FBH1: variants seen among roughly 807,000 people sequenced by gnomAD.
The protein encoded by FBH1 is F-box DNA helicase 1, also known as DNA 3'-5' helicase 1.
A neutral mutation model predicts 115.5 loss-of-function variants in FBH1; 43 were observed. The observed-to-expected ratio is 0.37, with a 90% CI of 0.29 to 0.48. The LOEUF (loss-of-function observed/expected upper bound fraction) is 0.48. FBH1 is among the 20% of genes least tolerant of loss of function. The pLI is 0.99. For missense variants in FBH1, 1,001 were observed against 1,337.3 expected, an observed-to-expected ratio of 0.75 and a Z score of 3.92; for synonymous variants, 524 against 507.8, an observed-to-expected ratio of 1.03 and a Z score of -0.43.
Position 5,921,278 on chromosome 10 carries a change from A to G in FBH1, c.2121A>G (p.Glu707=), listed in dbSNP as rs1443880694. Residue 707 remains glutamate (E), a synonymous_variant, in exon 14 of 21, where the codon GAA becomes GAG. Transcript: ENST00000362091. This position sits in a 1 kb window ranked among gnomAD's most constrained non-coding sequence, Gnocchi z 6.4. ...TTCAGAGTTTTCGGTTTGGTGTGGA[A>G]ATAGCTTATGTGGGAGCTACTATCT... ...YLTQSFRFGV[E]IAYVGATILD... 4 of 1,614,040 alleles carry G rather than the reference A, an allele frequency of 2.5e-6. No individual in the cohort carries two copies. In the African/African-American group the frequency reaches 5.3e-5, roughly 22 times the overall value.
chr10:5,919,270 G>T (rs1426466507), intron 13 of FBH1, among the ~76,000 whole-genome samples: 1 of 152,170 alleles, frequency 6.6e-6, no homozygotes, highest in Non-Finnish European at 1.5e-5. Flanking sequence ...CAGATCACTT[G>T]AGGTCAGGAG....
chr10:5,890,259 G>A lies in FBH1; in HGVS notation c.-87G>A, dbSNP rs1842617528. ...GGGCTCCAGGTCCCGGCCAGAGGAGGAGCTCGCTGCCGGGGGACGCTGGGC... is the reference window on the plus strand; with the variant it reads ...GGGCTCCAGGTCCCGGCCAGAGGAGAAGCTCGCTGCCGGGGGACGCTGGGC... On this transcript the variant is annotated 5_prime_UTR_variant, in exon 1 of 21. Transcript: ENST00000362091. 5.5e-6 allele frequency: 2 copies of A among 366,348 alleles called. No individual in the cohort carries two copies. The highest frequency in any genetic ancestry group is 2.7e-4 in the South Asian group (2 of 7,516). The allele number at this position is 366,348 out of a possible 1,614,324, so 22.7% of individuals were successfully genotyped here. A position where few individuals can be genotyped will look rare whatever the true frequency, so the allele number is the denominator to read the frequency against.
At chr10:5,891,163 C>A in intron 1 of FBH1, 6 of 985,742 alleles carry the variant, frequency 6.1e-6, no homozygotes, top group African/African-American at 1.7e-5. Context: ...TGTTGAGTGT[C>A]CGCCAGCGTC....
rs1040330066 is a variant in FBH1 at position 5,910,584 on chromosome 10, A to C, written c.1021-354A>C. The stretch of plus-strand genomic sequence containing the variant: ...CTGGCTGTTTTGCTCTGGCCCTGCC[A>C]AGCACATATGGACCTGAGAGCCCCC... On this transcript the variant is annotated intron_variant, in intron 5 of 20. Transcript: ENST00000362091. This position sits in a 1 kb window ranked among gnomAD's most constrained non-coding sequence, Gnocchi z 4.8. Among the ~76,000 whole-genome samples, 1 of 152,264 alleles carries C rather than the reference A, an allele frequency of 6.6e-6. No homozygotes were observed. Among genetic ancestry groups the C allele is most frequent in the South Asian group, 2.1e-4 (1 of 4,822 alleles).
rs538286528 is a variant in FBH1 at position 5,936,964 on chromosome 10, A to G, written c.2962-146A>G. ...AGTTGGTGGTGCTGTGGGAGGTGTT[A>G]CTCTGAGGATGTGCACCCCTCTGAA... On this transcript the variant is annotated intron_variant, in intron 20 of 20. Transcript: ENST00000362091. This position sits in a 1 kb window ranked among gnomAD's most constrained non-coding sequence, Gnocchi z 5.6. 4.6e-6 allele frequency: 4 copies of G among 874,032 alleles called. No homozygotes were observed. In the East Asian group the frequency reaches 1.1e-4, roughly 24 times the overall value. The allele number at this position is 874,032 out of a possible 1,614,324, so 54.1% of individuals were successfully genotyped here.
Position 5,917,200 on chromosome 10 carries a change from A to G in FBH1, c.1789-220A>G. On this transcript the variant is annotated intron_variant, in intron 10 of 20. Coordinates refer to ENST00000362091, the MANE Select transcript of FBH1 (RefSeq NM_178150.3). The surrounding 1 kb of genome is among the most constrained non-coding windows in gnomAD (Gnocchi z 5.6). Reference sequence around the variant, plus strand: ...TAACTGTTATGATCTCTGTCCTGTCACGGGCATGGCACGGCCCGGCTGCTT... The same window carrying G: ...TAACTGTTATGATCTCTGTCCTGTCGCGGGCATGGCACGGCCCGGCTGCTT... The G allele has an allele frequency of 1.7e-6, 1 of 572,226 alleles. No individual in the cohort carries two copies. Among genetic ancestry groups the G allele is most frequent in the Non-Finnish European group, 3.1e-6 (1 of 318,256 alleles). The allele number at this position is 572,226 out of a possible 1,614,324, so 35.4% of individuals were successfully genotyped here.
Position 5,921,669 on chromosome 10 carries a change from A to G in FBH1, c.2322+100A>G. Reference sequence around the variant, plus strand: ...CTTCCTTGGGATTATCATGCAAGAAAGCATTTGGGTTTTTGACTCTTTCCA... The same window carrying G: ...CTTCCTTGGGATTATCATGCAAGAAGGCATTTGGGTTTTTGACTCTTTCCA... On this transcript the variant is annotated intron_variant, in intron 15 of 20. Transcript: ENST00000362091. The surrounding 1 kb of genome is among the most constrained non-coding windows in gnomAD (Gnocchi z 6.4). The G allele has an allele frequency of 6.6e-7, 1 of 1,512,568 alleles. No individual in the cohort carries two copies. The allele number at this position is 1,512,568 out of a possible 1,614,324, so 93.7% of individuals were successfully genotyped here.
chr10:5,926,098 A>ATTCTTATTCTTATTCTTATTC (rs1554809910), intron 18 of FBH1, among the ~76,000 whole-genome samples: 3 of 124,824 alleles, frequency 2.4e-5, no homozygotes, highest in African/African-American at 7.7e-5. Context: ...TGTTGTTATT[A>ATTCTTATTCTTATTCTTATTC]TTATTCTTAT....
rs1831894326 is a variant in FBH1 at position 5,915,849 on chromosome 10, C to G, written c.1565+278C>G. The G allele has an allele frequency of 2.0e-6, 1 of 494,296 alleles. No individual in the cohort carries two copies. The highest frequency in any genetic ancestry group is 3.6e-5 in the Admixed American group (1 of 28,008). The allele number at this position is 494,296 out of a possible 1,614,324, so 30.6% of individuals were successfully genotyped here. On this transcript the variant is annotated intron_variant, in intron 9 of 20. Coordinates refer to ENST00000362091, the MANE Select transcript of FBH1 (RefSeq NM_178150.3). This position sits in a 1 kb window ranked among gnomAD's most constrained non-coding sequence, Gnocchi z 5.2. Reference sequence around the variant, plus strand: ...AAATGACTTGCTTAAAGTTCAGAGTCTCACAAATCCTGATCAGTTGTAGGC... The same window carrying G: ...AAATGACTTGCTTAAAGTTCAGAGTGTCACAAATCCTGATCAGTTGTAGGC...
In FBH1 at chr10:5,923,743, G is replaced by A. The variant is rs1193034324; in HGVS notation, c.2398+47G>A. 3 of 1,543,948 alleles carry A rather than the reference G, an allele frequency of 1.9e-6. No homozygotes were observed. The highest frequency in any genetic ancestry group is 1.4e-5 in the African/African-American group (1 of 73,112). The stretch of plus-strand genomic sequence containing the variant: ...GTGCATTGGAAGGACGCACCCAAGT[G>A]ACAGGGACGAGAAAGAAGCAGGCCC... On this transcript the variant is annotated intron_variant, in intron 16 of 20. Transcript: ENST00000362091. This position sits in a 1 kb window ranked among gnomAD's most constrained non-coding sequence, Gnocchi z 5.7.
intron 2 of FBH1, among the ~76,000 whole-genome samples, chr10:5,903,927 A>C (rs1022340077): frequency 1.6e-4 from 24 of 152,322 alleles, no homozygotes; most frequent in African/African-American, 5.3e-4. Flanking sequence ...TTCAGATTTT[A>C]TCTCTGCTAA....
Position 5,937,534 on chromosome 10 carries a change from A to T in FBH1, c.*254A>T, listed in dbSNP as rs2387091. 0.86 allele frequency: 267,452 copies of T among 311,904 alleles called. 114,882 individuals carry two copies. Among genetic ancestry groups the T allele is most frequent in the Admixed American group, 0.88 (17,698 of 20,084 alleles). The allele number at this position is 311,904 out of a possible 1,614,324, so 19.3% of individuals were successfully genotyped here. On this transcript the variant is annotated 3_prime_UTR_variant, in exon 21 of 21. Coordinates refer to ENST00000362091, the MANE Select transcript of FBH1 (RefSeq NM_178150.3). ...TCTTTTGATAAAAAAAAAAAAAAAA[A>T]TTTATGTATTTAAACTTTTATTACA...
rs1047688349 is a variant in FBH1 at position 5,917,787 on chromosome 10, A to G, written c.1963+111A>G. The G allele has an allele frequency of 2.0e-5, 18 of 879,170 alleles. No homozygotes were observed. The African/African-American group carries it at 3.0e-4, about 15-fold the overall frequency. The allele number at this position is 879,170 out of a possible 1,614,324, so 54.5% of individuals were successfully genotyped here. A position where few individuals can be genotyped will look rare whatever the true frequency, so the allele number is the denominator to read the frequency against. Reference sequence around the variant, plus strand: ...TTGATTATTATTATTTGTGATAAAGAAGAGGATCTTCATACTTACCTTAGG... The same window carrying G: ...TTGATTATTATTATTTGTGATAAAGGAGAGGATCTTCATACTTACCTTAGG... On this transcript the variant is annotated intron_variant, in intron 12 of 20. Transcript: ENST00000362091. This position sits in a 1 kb window ranked among gnomAD's most constrained non-coding sequence, Gnocchi z 5.6.
chr10:5,907,443 T>C (rs2131931263), intron 3 of FBH1, among the ~76,000 whole-genome samples: 1 of 151,788 alleles, frequency 6.6e-6, no homozygotes, highest in East Asian at 1.9e-4. Flanking sequence ...CCATTGGTTG[T>C]TTTAAGAATG....
In FBH1 at chr10:5,934,026, C is replaced by T. The variant is rs376991887; in HGVS notation, c.2830-2430C>T. On this transcript the variant is annotated intron_variant, in intron 19 of 20. Coordinates refer to ENST00000362091, the MANE Select transcript of FBH1 (RefSeq NM_178150.3). ...GTTTCAGAAGTGTCGAGTCCAGTCT[C>T]TGCCCAGGAGGGAAGGCCATGGGGA... 2.6e-4 allele frequency among the ~76,000 whole-genome samples: 40 copies of T among 152,292 alleles called. No homozygotes were observed. In the East Asian group the frequency reaches 4.8e-3, roughly 18 times the overall value.
At chr10:5,902,866 A>G (rs1320770915) in intron 1 of FBH1, among the ~76,000 whole-genome samples, 154 bp from the exon 2 acceptor site, 3 of 150,046 alleles carry the variant, frequency 2.0e-5, no homozygotes, top group African/African-American at 4.9e-5. Context: ...TGAAAGGACA[A>G]AGTTGGGGGG....
At chr10:5,907,150 A>G (rs527398296) in intron 3 of FBH1, among the ~76,000 whole-genome samples, 2 of 151,992 alleles carry the variant, frequency 1.3e-5, no homozygotes. Context: ...TTCAGTAGAC[A>G]TGGGGTTTTA....
At position 5,933,546 on chromosome 10, in the gene FBH1, C is replaced by T. The variant is rs1833095577; in HGVS notation, c.2830-2910C>T. ...GAGACTGGGGTGGGCTGTCTGCCCT[C>T]AGGGGTCCTGCGAGGAAGTCCCAGA... On this transcript the variant is annotated intron_variant, in intron 19 of 20. Coordinates refer to ENST00000362091, the MANE Select transcript of FBH1 (RefSeq NM_178150.3). The surrounding 1 kb of genome is among the most constrained non-coding windows in gnomAD (Gnocchi z 4.9). Among the ~76,000 whole-genome samples, 1 of 152,162 alleles carries T rather than the reference C, an allele frequency of 6.6e-6. No homozygotes were observed. The highest frequency in any genetic ancestry group is 2.1e-4 in the South Asian group (1 of 4,830).
intron 18 of FBH1, among the ~76,000 whole-genome samples, chr10:5,927,057 G>A (rs1035771419): frequency 2.0e-5 from 3 of 152,190 alleles, no homozygotes; most frequent in Non-Finnish European, 4.4e-5. Flanking sequence ...ATTAGCCATG[G>A]GCTTGTTTGT....
Sources: gnomAD v4.1 joint callset for allele counts (sites outside exome capture counted in the v4.1 genomes callset) on GRCh38, gnomAD v4.1.1 for gene constraint, Gnocchi (gnomAD v3.1) non-coding constraint, MANE v1.5 for transcripts, NCBI Gene and HGNC (gene_info 2026-07-23, HGNC 2026-07-21) for gene names.